ASXL2: variants seen among roughly 807,000 people sequenced by gnomAD.
The protein encoded by ASXL2 is putative Polycomb group protein ASXL2.
A neutral mutation model predicts 122.0 loss-of-function variants in ASXL2; 23 were observed. The ratio of observed to expected loss-of-function variants is 0.19; its 90% CI spans 0.14 to 0.27. ASXL2 has a LOEUF of 0.27. Among genes scored for constraint, ASXL2 ranks in the 10% least tolerant of loss-of-function variants. ASXL2 has a pLI of 1.00. For missense variants in ASXL2, 1,518 were observed against 1,713.8 expected, an observed-to-expected ratio of 0.89 and a Z score of 2.02; for synonymous variants, 650 against 637.0, an observed-to-expected ratio of 1.02 and a Z score of -0.31.
At chr2:25,824,871 T>A (rs1179239350) in intron 3 of ASXL2, among the ~76,000 whole-genome samples, 1 of 152,216 alleles carries the variant, frequency 6.6e-6, no homozygotes, top group Non-Finnish European at 1.5e-5. Flanking sequence ...AGTTTCTTTC[T>A]GGGGCTCAAA....
intron 3 of ASXL2, chr2:25,810,629 C>T: frequency 2.5e-6 from 2 of 786,786 alleles, no homozygotes; most frequent in Non-Finnish European, 4.3e-6. Context: ...TTGTGCTTCA[C>T]TGCCTCAATA....
At chr2:25,864,975 C>T (rs1199141667) in intron 1 of ASXL2, among the ~76,000 whole-genome samples, 1 of 151,750 alleles carries the variant, frequency 6.6e-6, no homozygotes. Context: ...GCGCCTGCCA[C>T]CGCACCTAGC....
chr2:25,783,758 T>TAA (rs113535861), intron 5 of ASXL2, among the ~76,000 whole-genome samples: 2 of 148,042 alleles, frequency 1.4e-5, no homozygotes, highest in Non-Finnish European at 3.0e-5. Flanking sequence ...CTTGTCTATG[T>TAA]AAAAAAAAAA....
intron 1 of ASXL2, among the ~76,000 whole-genome samples, chr2:25,848,029 A>T (rs2089669366): frequency 6.6e-6 from 1 of 152,204 alleles, no homozygotes; most frequent in South Asian, 2.1e-4. Flanking sequence ...TAAATGGCAA[A>T]AACATGGCAA....
At chr2:25,751,935 A>C (rs1337825593) in intron 11 of ASXL2, among the ~76,000 whole-genome samples, 2 of 151,930 alleles carry the variant, frequency 1.3e-5, no homozygotes, top group African/African-American at 4.8e-5. Context: ...ACACCCAGCT[A>C]ATTTTTTGGT....
chr2:25,873,593 A>T (rs1350348198), intron 1 of ASXL2, among the ~76,000 whole-genome samples: 1 of 152,074 alleles, frequency 6.6e-6, no homozygotes, highest in Non-Finnish European at 1.5e-5. Flanking sequence ...CAAAAACTAA[A>T]ATCTTGTGTA....
intron 1 of ASXL2, among the ~76,000 whole-genome samples, chr2:25,851,459 T>C (rs1248884534): frequency 6.6e-6 from 1 of 152,248 alleles, no homozygotes; most frequent in Non-Finnish European, 1.5e-5. Flanking sequence ...TCACATTTAC[T>C]ACAAACCCTT....
chr2:25,829,708 G>A (rs1357748613), intron 3 of ASXL2, among the ~76,000 whole-genome samples: 1 of 152,164 alleles, frequency 6.6e-6, no homozygotes, highest in Non-Finnish European at 1.5e-5. Context: ...GTAGATCTTA[G>A]GAGATTATTA....
At chr2:25,875,582 C>A (rs2090003502) in intron 1 of ASXL2, among the ~76,000 whole-genome samples, 1 of 152,130 alleles carries the variant, frequency 6.6e-6, no homozygotes, top group Admixed American at 6.5e-5. Context: ...TAAACACACA[C>A]ACCCCGTATC....
chr2:25,742,571 A>C lies in ASXL2; in HGVS notation c.3766T>G (p.Phe1256Val). 6.2e-7 allele frequency: 1 copy of C among 1,613,990 alleles called. No homozygotes were observed. ...TCTCTGGCTAGGGTCTTTTCATCAA[A>C]TGTTTGGCCTCTAGTGAACAGGTAA... ...ENYLFTRGQT[F>V]DEKTLARDLI... Residue 1256 changes from phenylalanine to valine, a missense_variant, in exon 13 of 13, where the codon TTT becomes GTT. Physicochemically the swap from Phe to Val is conservative, Grantham distance 50. Transcript: ENST00000435504.
Position 25,744,037 on chromosome 2 carries a change from C to A in ASXL2, c.2300G>T (p.Ser767Ile). Reference sequence around the variant, plus strand: ...TTGCTGTAGTTGTGCTCCAGAGACACTATGAGGCTGTGCCTGGCTTGGGGT... The same window carrying A: ...TTGCTGTAGTTGTGCTCCAGAGACAATATGAGGCTGTGCCTGGCTTGGGGT... ...KTTPSQAQPH[S>I]VSGAQLQQTP... Residue 767 changes from serine to isoleucine, a missense_variant, in exon 13 of 13, where the codon AGT becomes ATT. Transcript: ENST00000435504. This position sits in a 1 kb window ranked among gnomAD's most constrained non-coding sequence, Gnocchi z 4.7. 6.2e-7 allele frequency: 1 copy of A among 1,614,022 alleles called. No individual in the cohort carries two copies. The highest frequency in any genetic ancestry group is 8.5e-7 in the Non-Finnish European group (1 of 1,179,892).
At chr2:25,809,877 G>T in intron 3 of ASXL2, 1 of 494,016 alleles carries the variant, frequency 2.0e-6, no homozygotes, top group South Asian at 1.5e-5. Context: ...GCCTCAGATG[G>T]AATCAGGGTC....
chr2:25,863,207 G>A (rs2089860000), intron 1 of ASXL2, among the ~76,000 whole-genome samples: 1 of 151,746 alleles, frequency 6.6e-6, no homozygotes, highest in African/African-American at 2.4e-5. Context: ...GTACGCCCCT[G>A]TAGTCCCATC....
intron 1 of ASXL2, among the ~76,000 whole-genome samples, chr2:25,849,876 T>G (rs141120487): frequency 6.6e-6 from 1 of 152,110 alleles, no homozygotes; most frequent in South Asian, 2.1e-4. Flanking sequence ...TTATACTAAA[T>G]TTTTTCAGAC....
chr2:25,768,612 T>G, intron 7 of ASXL2, 130 bp downstream of exon 7: 1 of 965,476 alleles, frequency 1.0e-6, no homozygotes, highest in Non-Finnish European at 1.5e-6. Flanking sequence ...ATATTGATGT[T>G]TTGGCAGTAC....
intron 1 of ASXL2, 49 bp from the exon 2 acceptor site, chr2:25,845,612 A>G (rs959309667): frequency 2.5e-6 from 2 of 813,212 alleles, no homozygotes; most frequent in Admixed American, 4.0e-5. Flanking sequence ...TCAAGTTATT[A>G]TAATTCTATA....
At chr2:25,791,023 C>T (rs950172110) in intron 5 of ASXL2, among the ~76,000 whole-genome samples, 4 of 151,772 alleles carry the variant, frequency 2.6e-5, no homozygotes, top group Non-Finnish European at 2.9e-5. Context: ...TCTTGAACTA[C>T]GGGGCTCAAG....
chr2:25,794,731 G>A (rs2088887938), intron 5 of ASXL2, among the ~76,000 whole-genome samples: 1 of 152,176 alleles, frequency 6.6e-6, no homozygotes, highest in Admixed American at 6.5e-5. Context: ...TACATAAAAG[G>A]AAGTGGGTTT....
intron 5 of ASXL2, among the ~76,000 whole-genome samples, chr2:25,789,404 T>C (rs2088796586): frequency 6.6e-6 from 1 of 152,204 alleles, no homozygotes; most frequent in South Asian, 2.1e-4. Context: ...TATTCTGTTC[T>C]AGACATGTCT....
Sources: allele counts gnomAD v4.1 joint callset (sites outside exome capture counted in the v4.1 genomes callset), GRCh38; gene constraint gnomAD v4.1.1; non-coding constraint Gnocchi (gnomAD v3.1); transcripts MANE v1.5; gene names NCBI Gene and HGNC (gene_info 2026-07-23, HGNC 2026-07-21).